The following BMAL2 variants were observed in gnomAD, a reference collection of about 807,000 sequenced individuals.
BMAL2 encodes basic helix-loop-helix ARNT-like protein 2.
At chr12:27,410,525 CA>C in the BMAL2 span, among the ~76,000 whole-genome samples, 1 of 152,082 alleles carries the variant, frequency 6.6e-6, no homozygotes. Context: ...TGTTCTCACT[CA>C]TAGGTGGGAA....
the BMAL2 span, among the ~76,000 whole-genome samples, chr12:27,362,303 G>GT: frequency 3.3e-5 from 5 of 152,286 alleles, no homozygotes; most frequent in African/African-American, 1.2e-4. Context: ...ATCTCATGTG[G>GT]TAGGTGGTGA....
At chr12:27,403,496 G>T in the BMAL2 span, 1 of 1,611,224 alleles carries the variant, frequency 6.2e-7, no homozygotes, top group Non-Finnish European at 8.5e-7. Context: ...CTTGGTGCTG[G>T]TAGTATTGGA....
At chr12:27,340,082 T>C in the BMAL2 span, among the ~76,000 whole-genome samples, 2 of 152,234 alleles carry the variant, frequency 1.3e-5, no homozygotes, top group African/African-American at 4.8e-5. Flanking sequence ...TTTCCTTTGC[T>C]GTGTAGAAGC....
the BMAL2 span, among the ~76,000 whole-genome samples, chr12:27,407,108 C>G: frequency 0.022 from 3,390 of 152,088 alleles, 124 homozygotes; most frequent in African/African-American, 0.078. Context: ...CCTTAGAGAC[C>G]TACAAAGAGA....
At chr12:27,421,208 A>C in the BMAL2 span, 1 of 152,142 alleles carries the variant, frequency 6.6e-6, no homozygotes, top group African/African-American at 2.4e-5. Flanking sequence ...AAAAGGAAGG[A>C]TCTTGGGCCC....
the BMAL2 span, among the ~76,000 whole-genome samples, chr12:27,409,582 A>G: frequency 9.2e-5 from 14 of 152,246 alleles, no homozygotes; most frequent in Non-Finnish European, 1.6e-4. Context: ...TACACCTTAT[A>G]CAAAAATTAA....
chr12:27,360,970 T>G, the BMAL2 span, among the ~76,000 whole-genome samples: 3 of 152,088 alleles, frequency 2.0e-5, no homozygotes, highest in African/African-American at 7.2e-5. Context: ...TAACCAAAAG[T>G]TATTTACAAG....
At chr12:27,350,293 A>C in the BMAL2 span, among the ~76,000 whole-genome samples, 1 of 152,222 alleles carries the variant, frequency 6.6e-6, no homozygotes, top group Non-Finnish European at 1.5e-5. Flanking sequence ...ACTTTCAAAA[A>C]TCAGTATAGT....
the BMAL2 span, among the ~76,000 whole-genome samples, chr12:27,381,472 G>A: frequency 6.6e-6 from 1 of 152,074 alleles, no homozygotes; most frequent in African/African-American, 2.4e-5. Flanking sequence ...TTACATGGCA[G>A]GAGCAGGACC....
the BMAL2 span, chr12:27,376,359 G>T: frequency 6.2e-7 from 1 of 1,613,812 alleles, no homozygotes; most frequent in South Asian, 1.1e-5. Flanking sequence ...GGAAGATGGT[G>T]AACACCAAGT....
the BMAL2 span, among the ~76,000 whole-genome samples, chr12:27,343,356 T>A: frequency 6.6e-6 from 1 of 152,262 alleles, no homozygotes; most frequent in Non-Finnish European, 1.5e-5. Flanking sequence ...TGAACACTGA[T>A]GCATTTTTTC....
the BMAL2 span, chr12:27,424,029 T>A: frequency 6.6e-6 from 1 of 152,262 alleles, no homozygotes; most frequent in Non-Finnish European, 1.5e-5. Flanking sequence ...AATAATTTTA[T>A]ATTAATTACA....
the BMAL2 span, among the ~76,000 whole-genome samples, chr12:27,392,011 C>T: frequency 2.0e-5 from 3 of 152,200 alleles, no homozygotes; most frequent in African/African-American, 2.4e-5. Context: ...GCTGTGTGAT[C>T]GTAAGCAAGT....
the BMAL2 span, chr12:27,380,402 A>G: frequency 1.2e-6 from 2 of 1,614,074 alleles, no homozygotes; most frequent in Non-Finnish European, 1.7e-6. Context: ...AGATCTTTAA[A>G]AGGTGAGTTT....
chr12:27,342,817 T>A, the BMAL2 span, among the ~76,000 whole-genome samples: 677 of 152,352 alleles, frequency 4.4e-3, 7 homozygotes, highest in African/African-American at 0.016. Flanking sequence ...AGAGACTAAA[T>A]CCAATTCTCC....
chr12:27,339,439 A>G, the BMAL2 span, among the ~76,000 whole-genome samples: 1 of 152,226 alleles, frequency 6.6e-6, no homozygotes, highest in Non-Finnish European at 1.5e-5. Flanking sequence ...TCTTTATAAT[A>G]GAACAATTTA....
At chr12:27,350,022 G>T in the BMAL2 span, among the ~76,000 whole-genome samples, 120,291 of 152,128 alleles carry the variant, frequency 0.79, 47,918 homozygotes, top group East Asian at 0.94. Context: ...GTGGATATTT[G>T]ATGAAGTTCA....
At chr12:27,362,043 G>T in the BMAL2 span, among the ~76,000 whole-genome samples, 1 of 151,748 alleles carries the variant, frequency 6.6e-6, no homozygotes, top group Non-Finnish European at 1.5e-5. Context: ...AAAAATCTTC[G>T]TTTTATTTCT....
the BMAL2 span, among the ~76,000 whole-genome samples, chr12:27,336,397 G>T: frequency 0.4 from 60,781 of 151,978 alleles, 12,323 homozygotes; most frequent in Middle Eastern, 0.5. Flanking sequence ...GCAGGAGCCA[G>T]TGGGAACTAA....
Sources: allele counts gnomAD v4.1 joint callset (sites outside exome capture counted in the v4.1 genomes callset), GRCh38; gene constraint gnomAD v4.1.1; transcripts MANE v1.5; gene names NCBI Gene and HGNC (gene_info 2026-07-23, HGNC 2026-07-21).